Variants in EXOG observed in about 807,000 individuals in gnomAD.
The protein encoded by EXOG is exo/endonuclease G.
In EXOG, 27 loss-of-function variants were observed where a neutral mutation model predicts 25.8. The ratio of observed to expected loss-of-function variants is 1.05; its 90% CI spans 0.77 to 1.45. EXOG has a LOEUF of 1.45. Among genes scored for constraint, EXOG ranks in the 40% most tolerant of loss-of-function variants. The pLI is 0.00. For synonymous variants in EXOG, 133 were observed against 167.0 expected, an observed-to-expected ratio of 0.80 and a Z score of 1.57; for missense variants, 458 against 450.5, an observed-to-expected ratio of 1.02 and a Z score of -0.15.
chr3:38,508,719 C>A (rs1024822838), intron 5 of EXOG, among the ~76,000 whole-genome samples: 1 of 149,576 alleles, frequency 6.7e-6, no homozygotes, highest in Non-Finnish European at 1.5e-5. Context: ...CCACCCCCCC[C>A]CCAAAAAAAA....
At chr3:38,497,279 A>G in intron 1 of EXOG, 1 of 1,028,874 alleles carries the variant, frequency 9.7e-7, no homozygotes, top group Middle Eastern at 4.7e-4. Flanking sequence ...GAAAAACAGT[A>G]CCAGTTTTAC....
At chr3:38,506,188 A>G (rs902040748) in intron 4 of EXOG, among the ~76,000 whole-genome samples, 1 of 152,042 alleles carries the variant, frequency 6.6e-6, no homozygotes, top group Non-Finnish European at 1.5e-5. Flanking sequence ...AAAAAAAAAT[A>G]CTTGCCATTT....
intron 4 of EXOG, among the ~76,000 whole-genome samples, chr3:38,505,745 A>G (rs1469562717): frequency 1.3e-5 from 2 of 152,092 alleles, no homozygotes; most frequent in Non-Finnish European, 2.9e-5. Flanking sequence ...GCTTGAGGTC[A>G]GGAGTTGGAG....
Position 38,523,133 on chromosome 3 carries a change from T to C in EXOG, c.646-768T>C, listed in dbSNP as rs185116612. ...TCTAAGGGCTATCTGTTTAGTTCCC[T>C]AGTGAATTTCATAAACTAAGGCCAT... On this transcript the variant is annotated intron_variant, in intron 5 of 5. Transcript: ENST00000287675. 300 of 1,098,858 alleles carry C rather than the reference T, an allele frequency of 2.7e-4. 1 individual carries two copies. The African/African-American group carries it at 4.2e-3, about 15-fold the overall frequency. 68.1% of individuals were successfully genotyped at this position (1,098,858 alleles called of 1,614,324 possible).
intron 5 of EXOG, among the ~76,000 whole-genome samples, chr3:38,507,635 A>G (rs2060242199): frequency 6.6e-6 from 1 of 152,152 alleles, no homozygotes. Context: ...GAAATATGAT[A>G]TTTGGGTTTT....
Position 38,496,351 on chromosome 3 carries a change from C to G in EXOG, c.-17C>G, listed in dbSNP as rs1242433374. Reference sequence around the variant, plus strand: ...CGCGCGCATGCGCCGTGGTAAAAGGCCGGTACCTCGGGCAAGATGGCTATC... The same window carrying G: ...CGCGCGCATGCGCCGTGGTAAAAGGGCGGTACCTCGGGCAAGATGGCTATC... On this transcript the variant is annotated 5_prime_UTR_variant, in exon 1 of 6. Transcript: ENST00000287675. The G allele has an allele frequency of 1.9e-6, 3 of 1,609,108 alleles. No homozygotes were observed. Among genetic ancestry groups the G allele is most frequent in the African/African-American group, 1.3e-5 (1 of 74,902 alleles).
intron 2 of EXOG, chr3:38,499,693 T>C: frequency 2.2e-6 from 1 of 454,630 alleles, no homozygotes; most frequent in Non-Finnish European, 4.4e-6. Flanking sequence ...TGGTCTTGAA[T>C]TTCTGGGTTC....
At chr3:38,520,675 A>G (rs1575673376) in intron 5 of EXOG, among the ~76,000 whole-genome samples, 1 of 152,336 alleles carries the variant, frequency 6.6e-6, no homozygotes, top group East Asian at 1.9e-4. Context: ...GATGTCCACT[A>G]CAAAATAGCT....
At position 38,503,367 on chromosome 3, in the gene EXOG, G is replaced by A. The variant is rs145058652; in HGVS notation, c.454-248G>A. On this transcript the variant is annotated intron_variant, in intron 3 of 5. Transcript: ENST00000287675. ...GAAATATTTAGTTCTTAGAATTCAC[G>A]TTATAGGTTTGGATTTTATAATTGA... Among the ~76,000 whole-genome samples the A allele has an allele frequency of 4.0e-3, 605 of 152,290 alleles. 1 individual carries two copies. Among genetic ancestry groups the A allele is most frequent in the African/African-American group, 0.013 (549 of 41,566 alleles).
intron 3 of EXOG, among the ~76,000 whole-genome samples, chr3:38,502,962 A>G (rs1421692740): frequency 6.6e-6 from 1 of 152,154 alleles, no homozygotes; most frequent in African/African-American, 2.4e-5. Flanking sequence ...CCAGACCTGA[A>G]CCTCATACTT....
At chr3:38,512,727 A>T (rs1002777829) in intron 5 of EXOG, among the ~76,000 whole-genome samples, 8 of 152,130 alleles carry the variant, frequency 5.3e-5, no homozygotes, top group African/African-American at 1.9e-4. Context: ...GAGTTTGTAA[A>T]CTGAGGCCTC....
rs772481733 is a variant in EXOG, at chr3:38,496,509, T to C, written c.142T>C (p.Leu48=). 1.2e-6 allele frequency: 2 copies of C among 1,612,870 alleles called. No individual in the cohort carries two copies. Among genetic ancestry groups the C allele is most frequent in the South Asian group, 1.1e-5 (1 of 91,054 alleles). Reference sequence around the variant, plus strand: ...CCGGAGTCAGGGCGCTGAGGGAGCGTTGACAGGGAAGCAGCCGGATGGTAA... The same window carrying C: ...CCGGAGTCAGGGCGCTGAGGGAGCGCTGACAGGGAAGCAGCCGGATGGTAA... ...FFRSQGAEGA[L]TGKQPDGSAE... Residue 48 remains leucine (L), a synonymous_variant, in exon 1 of 6, where the codon TTG becomes CTG. Coordinates refer to ENST00000287675, the MANE Select transcript of EXOG (RefSeq NM_005107.4).
chr3:38,516,023 A>G (rs2060532375), intron 5 of EXOG, among the ~76,000 whole-genome samples: 1 of 152,162 alleles, frequency 6.6e-6, no homozygotes, highest in African/African-American at 2.4e-5. Context: ...TATTAATATC[A>G]GCTTTGGCTT....
intron 5 of EXOG, among the ~76,000 whole-genome samples, chr3:38,514,549 A>G (rs777415340): frequency 1.1e-4 from 16 of 152,174 alleles, no homozygotes; most frequent in Non-Finnish European, 1.8e-4. Flanking sequence ...GGAGAAATCT[A>G]GGGGAGAGTG....
rs2060817710 is a variant in EXOG at position 38,524,241 on chromosome 3, T to C, written c.986T>C (p.Met329Thr). Residue 329 changes from methionine (M) to threonine (T), a missense_variant, in exon 6 of 6, where the codon ATG becomes ACG. Physicochemically the swap from Met to Thr is moderately conservative, Grantham distance 81. This residue lies in a region of EXOG where 178 missense variants were observed against 203.7 expected (regional missense o/e 0.87). Transcript: ENST00000287675. ...TCAGTGCTCAGACTGGAAAAGATCATGGAAAACTTGAAGAATGCAGAGATT... is the reference window on the plus strand; with the variant it reads ...TCAGTGCTCAGACTGGAAAAGATCACGGAAAACTTGAAGAATGCAGAGATT... ...ARSVLRLEKI[M>T]ENLKNAEIEP... The C allele has an allele frequency of 1.9e-6, 3 of 1,614,106 alleles. No individual in the cohort carries two copies. The highest frequency in any genetic ancestry group is 2.5e-6 in the Non-Finnish European group (3 of 1,179,968).
chr3:38,506,755 C>T (rs1181988794), intron 4 of EXOG, 99 bp from the exon 5 acceptor site: 1 of 504,154 alleles, frequency 2.0e-6, no homozygotes, highest in Non-Finnish European at 3.5e-6. Flanking sequence ...TTCTCAAATG[C>T]AGTTTTTCTT....
At position 38,506,906 on chromosome 3, in the gene EXOG, G is replaced by GTA; in HGVS notation, c.585_586dup (p.Ser196TyrfsTer5). ...AGAAAGGTTTGAAGATGTTTGGGTG[G>GTA]TATCTGGGCCTTTGACCTTACCTCA... On this transcript the variant is annotated frameshift_variant, in exon 5 of 6. Transcript: ENST00000287675. LOFTEE classifies it high-confidence loss of function. The GTA allele has an allele frequency of 2.5e-6, 4 of 1,607,798 alleles. No homozygotes were observed. In the South Asian group the frequency reaches 4.4e-5, roughly 18 times the overall value.
In EXOG at chr3:38,496,621, C is replaced by T. The variant is rs769596400; in HGVS notation, c.163+91C>T. ...GTGAATGGCAGTCCTTGACGGACAG[C>T]CTTCACCGTTTGCTGGGCCCCTAGC... On this transcript the variant is annotated intron_variant, in intron 1 of 5. Coordinates refer to ENST00000287675, the MANE Select transcript of EXOG (RefSeq NM_005107.4). The T allele has an allele frequency of 5.9e-6, 9 of 1,518,100 alleles. No homozygotes were observed. In the Admixed American group the frequency reaches 1.0e-4, roughly 17 times the overall value. 94.0% of individuals were successfully genotyped at this position (1,518,100 alleles called of 1,614,324 possible).
At chr3:38,497,080 A>G in intron 1 of EXOG, 2 of 999,470 alleles carry the variant, frequency 2.0e-6, no homozygotes, top group African/African-American at 1.7e-5. Context: ...TTTGACAAAA[A>G]AAAAAAAAAA....
Sources: gnomAD v4.1 joint callset for allele counts (sites outside exome capture counted in the v4.1 genomes callset) on GRCh38, gnomAD v4.1.1 for gene constraint, gnomAD v4.1.1 regional missense constraint, MANE v1.5 for transcripts, NCBI Gene and HGNC (gene_info 2026-07-23, HGNC 2026-07-21) for gene names.